The following KSR1 variants were observed in gnomAD, a reference collection of about 807,000 sequenced individuals.
The protein encoded by KSR1 is kinase suppressor of ras.
KSR1 carries 35 observed loss-of-function variants against 92.9 expected under a neutral mutation model. The ratio of observed to expected loss-of-function variants is 0.38; its 90% CI spans 0.29 to 0.50. The LOEUF is 0.50. Among genes scored for constraint, KSR1 ranks in the 20% least tolerant of loss-of-function variants. KSR1 has a pLI of 0.94. For missense variants in KSR1, 972 were observed against 1,158.5 expected, an observed-to-expected ratio of 0.84 and a Z score of 2.34; for synonymous variants, 467 against 472.6, an observed-to-expected ratio of 0.99 and a Z score of 0.15.
intron 2 of KSR1, among the ~76,000 whole-genome samples, chr17:27,575,941 C>A (rs1052681753): frequency 6.6e-6 from 1 of 152,214 alleles, no homozygotes; most frequent in Non-Finnish European, 1.5e-5. Context: ...GTAGGCCAGG[C>A]CTTCCTCTTA....
intron 2 of KSR1, among the ~76,000 whole-genome samples, chr17:27,569,467 G>GCCACCAGCAGGTGGAGC (rs2072220284): frequency 3.3e-5 from 5 of 152,250 alleles, no homozygotes; most frequent in Admixed American, 3.3e-4. Context: ...CAGGCCCAGG[G>GCCACCAGCAGGTGGAGC]CCACCAGCAG....
At chr17:27,599,981 C>G (rs562828988) in intron 10 of KSR1, among the ~76,000 whole-genome samples, 1 of 152,110 alleles carries the variant, frequency 6.6e-6, no homozygotes, top group Non-Finnish European at 1.5e-5. Context: ...CTTGTCCCAC[C>G]GGAAGGTCTT....
At chr17:27,611,206 C>T in intron 17 of KSR1, 1 of 398,320 alleles carries the variant, frequency 2.5e-6, no homozygotes, top group Non-Finnish European at 4.6e-6. Flanking sequence ...TGGGATCTTG[C>T]AGCTAGAAGG....
chr17:27,568,852 C>T (rs967712914), intron 2 of KSR1, among the ~76,000 whole-genome samples: 1 of 152,206 alleles, frequency 6.6e-6, no homozygotes, highest in African/African-American at 2.4e-5. Context: ...CATCCTCAGC[C>T]AGCTGCCATC....
intron 2 of KSR1, among the ~76,000 whole-genome samples, chr17:27,557,860 G>A (rs2071664915): frequency 6.6e-6 from 1 of 152,124 alleles, no homozygotes; most frequent in Non-Finnish European, 1.5e-5. Flanking sequence ...TCTCTTCGAG[G>A]TATTTCATCA....
In KSR1 at chr17:27,555,683, T is replaced by C. The variant is rs569134584; in HGVS notation, c.372+4975T>C. Among the ~76,000 whole-genome samples, 10 of 152,376 alleles carry C rather than the reference T, an allele frequency of 6.6e-5. No individual in the cohort carries two copies. In the South Asian group the frequency reaches 2.1e-3, roughly 32 times the overall value. Reference sequence around the variant, plus strand: ...TTCGCTCTGCTTTGTTTTGATTTTATTATTTTTATTTTTTAAAACTGTGGT... The same window carrying C: ...TTCGCTCTGCTTTGTTTTGATTTTACTATTTTTATTTTTTAAAACTGTGGT... On this transcript the variant is annotated intron_variant, in intron 2 of 20. Transcript: ENST00000644974.
chr17:27,482,257 T>C (rs902911486), intron 1 of KSR1, among the ~76,000 whole-genome samples: 4 of 151,704 alleles, frequency 2.6e-5, no homozygotes, highest in African/African-American at 9.7e-5. Flanking sequence ...AAAAAAAAAA[T>C]TATATGTATA....
intron 2 of KSR1, among the ~76,000 whole-genome samples, chr17:27,558,703 G>GTTT (rs71840627): frequency 2.1e-5 from 3 of 143,260 alleles, no homozygotes; most frequent in Non-Finnish European, 3.1e-5. Flanking sequence ...TCTGTTTTTT[G>GTTT]TTTTTTTTTT....
rs971204247 is a variant in KSR1, at chr17:27,623,633, A to G, written c.*241A>G. On this transcript the variant is annotated 3_prime_UTR_variant, in exon 21 of 21. Transcript: ENST00000644974. The stretch of plus-strand genomic sequence containing the variant: ...TGACAGACAGCAAATGTTTACACGT[A>G]TATTTCTCCTGAGTGAACCTGATGT... 3.9e-5 allele frequency: 24 copies of G among 609,428 alleles called. No individual in the cohort carries two copies. The highest frequency in any genetic ancestry group is 2.3e-5 in the Non-Finnish European group (8 of 345,704). 37.8% of individuals were successfully genotyped at this position (609,428 alleles called of 1,614,324 possible).
intron 1 of KSR1, among the ~76,000 whole-genome samples, chr17:27,522,917 G>A (rs1463120545): frequency 6.6e-6 from 1 of 152,156 alleles, no homozygotes; most frequent in African/African-American, 2.4e-5. Flanking sequence ...GCTGTAGCTA[G>A]TTCAGGGTAC....
chr17:27,497,560 G>A (rs57522734), intron 1 of KSR1, among the ~76,000 whole-genome samples: 1,643 of 152,254 alleles, frequency 0.011, 20 homozygotes, highest in African/African-American at 0.037. Context: ...GCAGGATCCC[G>A]GCCTTCTGCA....
chr17:27,490,389 A>G (rs925203292), intron 1 of KSR1, among the ~76,000 whole-genome samples: 10 of 152,208 alleles, frequency 6.6e-5, no homozygotes, highest in Non-Finnish European at 1.5e-4. Flanking sequence ...TATCTTCCCC[A>G]TTGTTAAAGA....
intron 2 of KSR1, among the ~76,000 whole-genome samples, chr17:27,570,591 C>T (rs1381565779): frequency 6.6e-6 from 1 of 152,210 alleles, no homozygotes; most frequent in Admixed American, 6.5e-5. Flanking sequence ...GGTTCCAGTT[C>T]AAGCCCAGCT....
intron 1 of KSR1, among the ~76,000 whole-genome samples, chr17:27,498,155 C>A (rs1324616054): frequency 1.3e-5 from 2 of 151,880 alleles, no homozygotes; most frequent in Non-Finnish European, 2.9e-5. Flanking sequence ...CATGGTGAAA[C>A]CCCGTCTCTA....
chr17:27,494,665 G>A (rs1318225316), intron 1 of KSR1, among the ~76,000 whole-genome samples: 1 of 152,230 alleles, frequency 6.6e-6, no homozygotes, highest in African/African-American at 2.4e-5. Flanking sequence ...GTAGAGAGCA[G>A]GAAGGAGATT....
intron 1 of KSR1, among the ~76,000 whole-genome samples, chr17:27,469,506 A>G (rs2019866359): frequency 2.0e-5 from 3 of 152,148 alleles, no homozygotes. Context: ...TGAGGATGAC[A>G]TATTCGTATT....
At chr17:27,596,557 C>T (rs571580725) in intron 9 of KSR1, among the ~76,000 whole-genome samples, 1 of 152,344 alleles carries the variant, frequency 6.6e-6, no homozygotes, top group South Asian at 2.1e-4. Context: ...CTCCTGTGGT[C>T]ATCTTCTAGA....
chr17:27,530,019 A>T (rs1210333958), intron 1 of KSR1, among the ~76,000 whole-genome samples: 3 of 152,186 alleles, frequency 2.0e-5, no homozygotes, highest in Non-Finnish European at 4.4e-5. Flanking sequence ...TCTTGAATGG[A>T]TGGATAGATG....
At chr17:27,508,956 C>G (rs2069497134) in intron 1 of KSR1, among the ~76,000 whole-genome samples, 2 of 151,904 alleles carry the variant, frequency 1.3e-5, no homozygotes, top group South Asian at 4.2e-4. Context: ...GTTTCAAACT[C>G]TTGACCTCAG....
Sources: allele counts gnomAD v4.1 joint callset (sites outside exome capture counted in the v4.1 genomes callset), GRCh38; gene constraint gnomAD v4.1.1; transcripts MANE v1.5; gene names NCBI Gene and HGNC (gene_info 2026-07-23, HGNC 2026-07-21).